The following GLIPR1L2 variants were observed in gnomAD, a reference collection of about 807,000 sequenced individuals.
GLIPR1L2 encodes the protein GLIPR1 like 2, also known as GLIPR1-like protein 2.
A neutral mutation model predicts 28.4 loss-of-function variants in GLIPR1L2; 21 were observed. The ratio of observed to expected loss-of-function variants is 0.74; its 90% confidence interval spans 0.52 to 1.06. The LOEUF is 1.06. GLIPR1L2 is among the 50% of genes least tolerant of loss of function. The pLI is 0.00. For synonymous variants in GLIPR1L2, 145 were observed against 139.3 expected, an observed-to-expected ratio of 1.04 and a Z score of -0.29; for missense variants, 476 against 416.9, an observed-to-expected ratio of 1.14 and a Z score of -1.23.
At chr12:75,403,038 G>T (rs139091139) in intron 1 of GLIPR1L2, 15 of 456,992 alleles carry the variant, frequency 3.3e-5, no homozygotes, top group Non-Finnish European at 5.7e-5. Context: ...CTGTGACTCC[G>T]ATGGTAGCAG....
At chr12:75,404,635 AT>A (rs1173664218) in intron 1 of GLIPR1L2, among the ~76,000 whole-genome samples, 9 of 152,198 alleles carry the variant, frequency 5.9e-5, no homozygotes, top group Middle Eastern at 3.4e-3. Flanking sequence ...GTAAAAATGA[AT>A]TTCTTGATAT....
intron 4 of GLIPR1L2, among the ~76,000 whole-genome samples, chr12:75,430,364 G>A (rs543730183): frequency 6.6e-6 from 1 of 152,268 alleles, no homozygotes; most frequent in Admixed American, 6.5e-5. Flanking sequence ...ATCTGTGGGG[G>A]CAAAGGGAGA....
chr12:75,395,156 A>G (rs762670952), intron 1 of GLIPR1L2, among the ~76,000 whole-genome samples: 4 of 151,924 alleles, frequency 2.6e-5, no homozygotes, highest in Admixed American at 1.3e-4. Context: ...TGTGTGTGGA[A>G]TCTTTAGGGT....
intron 1 of GLIPR1L2, among the ~76,000 whole-genome samples, chr12:75,408,916 T>C (rs2045832606): frequency 6.6e-6 from 1 of 151,984 alleles, no homozygotes; most frequent in South Asian, 2.1e-4. Flanking sequence ...GTGGTTACCT[T>C]AGGGGAAGGG....
In GLIPR1L2 at chr12:75,413,625, G is replaced by A; in HGVS notation, c.508G>A (p.Gly170Ser). The change falls in exon 3 of 6, where the codon GGT becomes AGT. Residue 170 changes from glycine (G) to serine (S), a missense_variant. By Grantham distance (56) the Gly-to-Ser change is moderately conservative (BLOSUM62 0). Coordinates refer to ENST00000550916, the MANE Select transcript of GLIPR1L2 (RefSeq NM_001270396.2). The stretch of plus-strand genomic sequence containing the variant: ...TGTTTGGGACCACTCTTACAAAGTT[G>A]GTTGTGCTGTTACTCCATGTTCAAA... ...QLVWDHSYKV[G>S]CAVTPCSKIG... The A allele has an allele frequency of 1.9e-6, 3 of 1,561,474 alleles. No individual in the cohort carries two copies. Among genetic ancestry groups the A allele is most frequent in the Non-Finnish European group, 2.6e-6 (3 of 1,158,942 alleles).
chr12:75,398,644 T>C (rs2045707975), intron 1 of GLIPR1L2, among the ~76,000 whole-genome samples: 1 of 152,156 alleles, frequency 6.6e-6, no homozygotes, highest in Admixed American at 6.5e-5. Flanking sequence ...AGACTTAGAC[T>C]CCTCTCATGT....
At chr12:75,424,495 G>A (rs1158871487) in intron 4 of GLIPR1L2, among the ~76,000 whole-genome samples, 8 of 152,122 alleles carry the variant, frequency 5.3e-5, no homozygotes, top group Non-Finnish European at 1.5e-5. Context: ...ACACAGGCTG[G>A]AATGCAGTGG....
At chr12:75,423,183 T>C in intron 4 of GLIPR1L2, 194 bp downstream of exon 4, 1 of 1,439,998 alleles carries the variant, frequency 6.9e-7, no homozygotes, top group Middle Eastern at 2.6e-4. Flanking sequence ...TTCTGTTCTA[T>C]CTTAACCCTA....
In GLIPR1L2 at chr12:75,391,418, TA is replaced by T. The variant is rs137878444; in HGVS notation, c.234+69del. The stretch of plus-strand genomic sequence containing the variant: ...CCACAACGCCTCCCTGGATCTCGGG[TA>T]GTTGGGGCCACTGCTCTGAGGCTGA... On this transcript the variant is annotated intron_variant, in intron 1 of 5. Coordinates refer to ENST00000550916, the MANE Select transcript of GLIPR1L2 (RefSeq NM_001270396.2). 1.3e-3 allele frequency: 2,078 copies of T among 1,600,320 alleles called. 24 individuals are homozygous for T. The African/African-American group carries it at 0.023, about 18-fold the overall frequency.
At chr12:75,426,530 A>G (rs1160194614) in intron 4 of GLIPR1L2, among the ~76,000 whole-genome samples, 1 of 152,218 alleles carries the variant, frequency 6.6e-6, no homozygotes, top group South Asian at 2.1e-4. Context: ...CTTTTCTTAT[A>G]TCTTTCCTAT....
In GLIPR1L2 at chr12:75,404,885, AATAG is replaced by A. The variant is rs139711991; in HGVS notation, c.235-5545_235-5542del. On this transcript the variant is annotated intron_variant, in intron 1 of 5. Transcript: ENST00000550916. ...TCTTAAAGTTATGTTAGATTAAATT[AATAG>A]ATATTCATTGATAATTTCTAAGTAA... is the stretch of plus-strand genomic sequence containing the variant. 5.4e-3 allele frequency among the ~76,000 whole-genome samples: 819 copies of A among 152,314 alleles called. 6 individuals carry two copies. The highest frequency in any genetic ancestry group is 0.018 in the African/African-American group (729 of 41,580).
chr12:75,415,803 A>G (rs905857537), intron 3 of GLIPR1L2, among the ~76,000 whole-genome samples: 2 of 152,052 alleles, frequency 1.3e-5, no homozygotes, highest in Non-Finnish European at 2.9e-5. Context: ...ATGTCAGAGC[A>G]TTTTCATGTT....
intron 1 of GLIPR1L2, chr12:75,403,185 C>T (rs1263609459): frequency 2.2e-6 from 1 of 455,632 alleles, no homozygotes; most frequent in Non-Finnish European, 4.4e-6. Context: ...AGATGACAGT[C>T]TGTTGAAGGA....
rs2045854312 is a variant in GLIPR1L2 at position 75,410,470 on chromosome 12, T to C, written c.271T>C (p.Trp91Arg). The change falls in exon 2 of 6, where the codon TGG (tryptophan) becomes CGG (arginine). Residue 91 changes from tryptophan (W) to arginine (R), a missense_variant. Transcript: ENST00000550916. ...AGCTTTATCACGGACTGCTAGAGCA[T>C]GGGGAAAAAAATGTTTGTTTACGCA... Reference protein sequence around the residue: ...DVALSRTARAWGKKCLFTHNI... With the variant: ...DVALSRTARARGKKCLFTHNI... 1 of 1,609,406 alleles carries C rather than the reference T, an allele frequency of 6.2e-7. No homozygotes were observed. The highest frequency in any genetic ancestry group is 1.1e-5 in the South Asian group (1 of 90,586).
At chr12:75,396,032 GCT>G (rs1405767752) in intron 1 of GLIPR1L2, among the ~76,000 whole-genome samples, 1 of 151,534 alleles carries the variant, frequency 6.6e-6, no homozygotes, top group African/African-American at 2.4e-5. Context: ...TTTCCTCTTA[GCT>G]CTGTTTTTTG....
In GLIPR1L2 at chr12:75,413,717, T is replaced by A; in HGVS notation, c.584+16T>A. On this transcript the variant is annotated intron_variant, in intron 3 of 5. Transcript: ENST00000550916. The stretch of plus-strand genomic sequence containing the variant: ...ATGCGCCAGGGTAAGTTACTTAAAA[T>A]TAATAAAAGAATATAAAAATCAGAA... 8.6e-7 allele frequency: 1 copy of A among 1,158,482 alleles called. No individual in the cohort carries two copies. The highest frequency in any genetic ancestry group is 1.2e-6 in the Non-Finnish European group (1 of 834,900). The allele number at this position is 1,158,482 out of a possible 1,614,324, so 71.8% of individuals were successfully genotyped here. A position where few individuals can be genotyped will look rare whatever the true frequency, so the allele number is the denominator to read the frequency against.
At chr12:75,391,573 T>C in intron 1 of GLIPR1L2, 1 of 1,474,184 alleles carries the variant, frequency 6.8e-7, no homozygotes, top group Non-Finnish European at 9.1e-7. Context: ...ACTAAGGTGA[T>C]GGAGGCACTG....
chr12:75,422,847 T>C (rs1270412729), intron 3 of GLIPR1L2, 57 bp from the exon 4 acceptor site: 1 of 1,385,506 alleles, frequency 7.2e-7, no homozygotes, highest in East Asian at 2.3e-5. Context: ...TTATTTAAAT[T>C]ACATGTAAAA....
chr12:75,421,339 A>G (rs1047458370), intron 3 of GLIPR1L2, among the ~76,000 whole-genome samples: 2 of 152,244 alleles, frequency 1.3e-5, no homozygotes, highest in African/African-American at 4.8e-5. Flanking sequence ...TGTTCCTGAT[A>G]GACTTGAATG....
Sources: gnomAD v4.1 joint callset for allele counts (sites outside exome capture counted in the v4.1 genomes callset) on GRCh38, gnomAD v4.1.1 for gene constraint, MANE v1.5 for transcripts, NCBI Gene and HGNC (gene_info 2026-07-23, HGNC 2026-07-21) for gene names.